MAP2K5: variants seen among roughly 807,000 people sequenced by gnomAD.
The protein encoded by MAP2K5 is mitogen-activated protein kinase kinase 5.
MAP2K5 carries 49 observed loss-of-function variants against 83.1 expected under a neutral mutation model. The observed-to-expected ratio is 0.59, with a 90% confidence interval of 0.47 to 0.75. The LOEUF (loss-of-function observed/expected upper bound fraction) is 0.75. MAP2K5 is among the 30% of genes least tolerant of loss of function. The pLI is 0.00. For missense variants in MAP2K5, 457 were observed against 557.5 expected (o/e 0.82, Z 1.82); for synonymous variants, 202 against 191.8 (o/e 1.05, Z -0.44).
At chr15:67,776,641 G>A (rs1291467412) in intron 21 of MAP2K5, among the ~76,000 whole-genome samples, 1 of 152,162 alleles carries the variant, frequency 6.6e-6, no homozygotes, top group Non-Finnish European at 1.5e-5. Flanking sequence ...CATTAAGATG[G>A]GGGTTCAGGT....
intron 8 of MAP2K5, chr15:67,628,681 T>G: frequency 1.1e-6 from 1 of 891,998 alleles, no homozygotes; most frequent in Non-Finnish European, 1.9e-6. Context: ...ATACTGTGAA[T>G]GGCCACAACG....
At position 67,553,919 on chromosome 15, in the gene MAP2K5, C is replaced by CAAA. The variant is rs71142378; in HGVS notation, c.184+3858_184+3860dup. 6.2e-3 allele frequency among the ~76,000 whole-genome samples: 498 copies of CAAA among 79,682 alleles called. 19 individuals carry two copies. The highest frequency in any genetic ancestry group is 0.016 in the African/African-American group (318 of 19,734). 52.3% of individuals were successfully genotyped at this position (79,682 alleles called of 152,430 possible). On this transcript the variant is annotated intron_variant, in intron 2 of 21. Transcript: ENST00000178640. ...TGGGCGACAGAGCGAGACTCCATCT[C>CAAA]AAAAAAAAAAAAAAAAAAAAAAAGA... is the stretch of plus-strand genomic sequence containing the variant.
At chr15:67,642,771 A>G (rs961116382) in intron 9 of MAP2K5, among the ~76,000 whole-genome samples, 8 of 152,208 alleles carry the variant, frequency 5.3e-5, no homozygotes. Flanking sequence ...ATGTCATGCT[A>G]GAGTTTTAAC....
At chr15:67,705,874 G>C (rs1339459044) in intron 16 of MAP2K5, among the ~76,000 whole-genome samples, 1 of 152,202 alleles carries the variant, frequency 6.6e-6, no homozygotes. Context: ...CACTCTCAGC[G>C]TATTTAAGGA....
At chr15:67,691,540 A>G (rs1194834788) in intron 13 of MAP2K5, among the ~76,000 whole-genome samples, 1 of 152,256 alleles carries the variant, frequency 6.6e-6, no homozygotes, top group Non-Finnish European at 1.5e-5. Flanking sequence ...TCTCCTGTTC[A>G]GTGTCAGTGT....
At chr15:67,681,493 A>G (rs763374033) in intron 13 of MAP2K5, among the ~76,000 whole-genome samples, 5 of 152,238 alleles carry the variant, frequency 3.3e-5, no homozygotes, top group African/African-American at 9.6e-5. Flanking sequence ...TTTGATGCCT[A>G]TAAAAGCCTA....
chr15:67,666,532 C>G (rs1419718878), intron 13 of MAP2K5, among the ~76,000 whole-genome samples: 2 of 152,068 alleles, frequency 1.3e-5, no homozygotes, highest in Non-Finnish European at 2.9e-5. Context: ...TCACTGTGGC[C>G]AAGCTTGGTT....
chr15:67,622,093 C>T lies in MAP2K5; in HGVS notation c.546-8795C>T, dbSNP rs184933267. 3.4e-3 allele frequency among the ~76,000 whole-genome samples: 507 copies of T among 148,776 alleles called. 2 individuals are homozygous for T. Among genetic ancestry groups the T allele is most frequent in the African/African-American group, 0.012 (481 of 40,208 alleles). On this transcript the variant is annotated intron_variant, in intron 8 of 21. Coordinates refer to ENST00000178640, the MANE Select transcript of MAP2K5 (RefSeq NM_145160.3). ...CTGCTACCCAGAGGTGGCAGTGAGC[C>T]GAGATCACGCCACTGCACTCCAGCC...
At chr15:67,798,135 A>T (rs1054312090) in intron 21 of MAP2K5, among the ~76,000 whole-genome samples, 15 of 152,098 alleles carry the variant, frequency 9.9e-5, no homozygotes, top group African/African-American at 3.6e-4. Flanking sequence ...CACTGGCCCC[A>T]TATTCACAGT....
intron 13 of MAP2K5, among the ~76,000 whole-genome samples, chr15:67,691,287 C>T (rs560997067): frequency 1.3e-5 from 2 of 152,330 alleles, no homozygotes; most frequent in East Asian, 3.9e-4. Context: ...TGTCAGTTAT[C>T]AGGCTAACTG....
intron 21 of MAP2K5, among the ~76,000 whole-genome samples, chr15:67,806,218 C>T (rs2090802054): frequency 6.6e-6 from 1 of 152,254 alleles, no homozygotes; most frequent in South Asian, 2.1e-4. Flanking sequence ...TTGACATAGC[C>T]TCTGACGAGA....
chr15:67,694,037 A>G (rs945961725), intron 15 of MAP2K5, among the ~76,000 whole-genome samples: 5 of 151,996 alleles, frequency 3.3e-5, no homozygotes, highest in Non-Finnish European at 7.4e-5. Flanking sequence ...GCAGTTTTCT[A>G]TAGAACTTGT....
chr15:67,647,596 A>G (rs184358934), intron 11 of MAP2K5, among the ~76,000 whole-genome samples: 2 of 151,986 alleles, frequency 1.3e-5, no homozygotes, highest in Non-Finnish European at 2.9e-5. Context: ...AAAAATTTTT[A>G]AAAATATGGC....
At chr15:67,590,568 C>T (rs2085384940) in intron 6 of MAP2K5, among the ~76,000 whole-genome samples, 2 of 151,862 alleles carry the variant, frequency 1.3e-5, no homozygotes, top group South Asian at 4.2e-4. Flanking sequence ...CTCCTGGCCT[C>T]AAGTGACCCG....
At chr15:67,583,744 C>CTTATTTAT (rs111272531) in intron 4 of MAP2K5, among the ~76,000 whole-genome samples, 4,620 of 147,878 alleles carry the variant, frequency 0.031, 165 homozygotes, top group African/African-American at 0.09. Flanking sequence ...TGATTGTTTC[C>CTTATTTAT]TTATTTATTT....
intron 3 of MAP2K5, among the ~76,000 whole-genome samples, chr15:67,575,171 G>C (rs1025867814): frequency 2.0e-5 from 3 of 152,208 alleles, no homozygotes; most frequent in Admixed American, 2.0e-4. Flanking sequence ...TGATTCATCA[G>C]CTCCTAATTA....
rs1177945699 is a variant in MAP2K5 at position 67,636,008 on chromosome 15, T to G, written c.585+5081T>G. Reference sequence around the variant, plus strand: ...AAATAAAGATGGGGTTTTGCCACATTGTCCAGGCTTGTCTTGAATTCATGG... The same window carrying G: ...AAATAAAGATGGGGTTTTGCCACATGGTCCAGGCTTGTCTTGAATTCATGG... On this transcript the variant is annotated intron_variant, in intron 9 of 21. Coordinates refer to ENST00000178640, the MANE Select transcript of MAP2K5 (RefSeq NM_145160.3). The surrounding 1 kb of genome is among the most constrained non-coding windows in gnomAD (Gnocchi z 4.7). Among the ~76,000 whole-genome samples, 1 of 152,202 alleles carries G rather than the reference T, an allele frequency of 6.6e-6. No individual in the cohort carries two copies. The highest frequency in any genetic ancestry group is 2.4e-5 in the African/African-American group (1 of 41,458).
chr15:67,625,943 C>G (rs578043271), intron 8 of MAP2K5, among the ~76,000 whole-genome samples: 1 of 152,274 alleles, frequency 6.6e-6, no homozygotes, highest in South Asian at 2.1e-4. Flanking sequence ...GTATATTAGA[C>G]TATCTGCTAA....
In MAP2K5 at chr15:67,786,959, C is replaced by T. The variant is rs947052613; in HGVS notation, c.1242+14207C>T. 6.6e-6 allele frequency among the ~76,000 whole-genome samples: 1 copy of T among 152,152 alleles called. No homozygotes were observed. Among genetic ancestry groups the T allele is most frequent in the African/African-American group, 2.4e-5 (1 of 41,408 alleles). On this transcript the variant is annotated intron_variant, in intron 21 of 21. Coordinates refer to ENST00000178640, the MANE Select transcript of MAP2K5 (RefSeq NM_145160.3). The surrounding 1 kb of genome is among the most constrained non-coding windows in gnomAD (Gnocchi z 4.7). The stretch of plus-strand genomic sequence containing the variant: ...AGGCTGAGACCGGAGGGAACAAGGA[C>T]AGTGAAGAACCCACCCTAGCCAAAG...
Sources: gnomAD v4.1 joint callset for allele counts (sites outside exome capture counted in the v4.1 genomes callset) on GRCh38, gnomAD v4.1.1 for gene constraint, Gnocchi (gnomAD v3.1) non-coding constraint, MANE v1.5 for transcripts, NCBI Gene and HGNC (gene_info 2026-07-23, HGNC 2026-07-21) for gene names.